The following CDK14 variants were observed in gnomAD, a reference collection of about 807,000 sequenced individuals.
CDK14 encodes the protein cyclin dependent kinase 14.
Under a neutral mutation model 60.7 loss-of-function variants are expected in CDK14, and 34 were observed. That is an observed-to-expected ratio of 0.56 (90% CI 0.43 to 0.75). CDK14 has a LOEUF of 0.75. CDK14 is among the 30% of genes least tolerant of loss of function. The probability of loss-of-function intolerance (pLI) is 0.00; values close to 1 mark genes in which losing one functional copy is unlikely to be tolerated. For missense variants in CDK14, 482 were observed against 564.1 expected (o/e 0.85, Z 1.47); for synonymous variants, 197 against 203.7 (o/e 0.97, Z 0.28).
At chr7:90,701,079 G>C (rs550861596) in intron 2 of CDK14, among the ~76,000 whole-genome samples, 2 of 152,176 alleles carry the variant, frequency 1.3e-5, no homozygotes, top group African/African-American at 4.8e-5. Context: ...AAATCCCCTC[G>C]ATATTACTTG....
At chr7:91,087,341 A>AT (rs963259052) in intron 12 of CDK14, among the ~76,000 whole-genome samples, 2 of 152,206 alleles carry the variant, frequency 1.3e-5, no homozygotes, top group African/African-American at 4.8e-5. Context: ...TAGTATTGAC[A>AT]TAGCAAAGAA....
At chr7:90,763,832 T>C (rs1804429470) in intron 4 of CDK14, among the ~76,000 whole-genome samples, 1 of 152,096 alleles carries the variant, frequency 6.6e-6, no homozygotes. Context: ...AAAGGTTCTG[T>C]TTAGTATAAA....
intron 5 of CDK14, among the ~76,000 whole-genome samples, chr7:90,845,814 C>G (rs958344076): frequency 2.6e-5 from 4 of 152,058 alleles, no homozygotes; most frequent in Non-Finnish European, 4.4e-5. Flanking sequence ...CTTGGTGACA[C>G]TATTATGTCA....
intron 11 of CDK14, among the ~76,000 whole-genome samples, chr7:91,070,039 C>T (rs993294394): frequency 6.6e-6 from 1 of 152,148 alleles, no homozygotes; most frequent in Non-Finnish European, 1.5e-5. Flanking sequence ...CCAAGCAATC[C>T]TCCCACCTCG....
intron 5 of CDK14, among the ~76,000 whole-genome samples, chr7:90,860,774 C>T (rs572970884): frequency 4.6e-5 from 7 of 152,040 alleles, no homozygotes; most frequent in South Asian, 2.1e-4. Flanking sequence ...CCACCCCGCT[C>T]GGCCTCCCAA....
intron 9 of CDK14, among the ~76,000 whole-genome samples, chr7:90,963,004 AT>A (rs1444539473): frequency 6.6e-6 from 1 of 151,776 alleles, no homozygotes; most frequent in East Asian, 1.9e-4. Context: ...AAGCTGCTCT[AT>A]TTGGTTTTAG....
At chr7:90,806,814 G>T (rs1005080608) in intron 5 of CDK14, among the ~76,000 whole-genome samples, 1 of 152,252 alleles carries the variant, frequency 6.6e-6, no homozygotes, top group Non-Finnish European at 1.5e-5. Flanking sequence ...TACACCAGGA[G>T]ATTATATCCC....
chr7:90,711,443 G>C (rs1185837361), intron 2 of CDK14, among the ~76,000 whole-genome samples: 1 of 151,192 alleles, frequency 6.6e-6, no homozygotes, highest in Non-Finnish European at 1.5e-5. Context: ...TTGTGTTTTA[G>C]CTATTCATAT....
At chr7:90,804,063 T>C (rs992709623) in intron 5 of CDK14, among the ~76,000 whole-genome samples, 4 of 152,188 alleles carry the variant, frequency 2.6e-5, no homozygotes, top group Non-Finnish European at 5.9e-5. Context: ...GGCCTTACTA[T>C]TGGGACAGAA....
rs185921647 is a variant in CDK14, at chr7:91,190,687, G to A, written c.*29-16478G>A. On this transcript the variant is annotated intron_variant, in intron 14 of 14. Transcript: ENST00000380050. ...GTATTTTTAGTAGAGACAGGGTTTC[G>A]CCATGCCGGACAGGCTGGTCTCAAA... Among the ~76,000 whole-genome samples the A allele has an allele frequency of 4.1e-4, 63 of 152,084 alleles. 1 individual carries two copies. Among genetic ancestry groups the A allele is most frequent in the African/African-American group, 1.4e-3 (60 of 41,506 alleles).
intron 1 of CDK14, among the ~76,000 whole-genome samples, chr7:90,601,922 TTATGTATGTATGTATG>T (rs66873680): frequency 2.0e-3 from 280 of 143,388 alleles, no homozygotes; most frequent in African/African-American, 5.2e-3. Context: ...TTGGCTAATT[TTATGTATGTATGTATG>T]TATGTATGTA....
At position 90,917,715 on chromosome 7, in the gene CDK14, G is replaced by A. The variant is rs1336650810; in HGVS notation, c.817G>A (p.Ala273Thr). 1 of 1,612,470 alleles carries A rather than the reference G, an allele frequency of 6.2e-7. No individual in the cohort carries two copies. The change falls in exon 8 of 15, where the codon GCA becomes ACA. Residue 273 changes from alanine (A) to threonine (T), a missense_variant. Physicochemically the swap from Ala to Thr is moderately conservative, Grantham distance 58. Coordinates refer to ENST00000380050, the MANE Select transcript of CDK14 (RefSeq NM_001287135.2). ...LISDTGELKLADFGLARAKSV... is the reference protein window; with the variant it reads ...LISDTGELKLTDFGLARAKSV... ...CAGTGACACGGGGGAGTTAAAGCTG[G>A]CAGATTTCGGTAGGAAAGCAGTTAA...
chr7:91,011,132 T>C (rs752540048), intron 10 of CDK14, among the ~76,000 whole-genome samples: 5 of 151,986 alleles, frequency 3.3e-5, no homozygotes, highest in African/African-American at 4.8e-5. Flanking sequence ...GAAAATTTTT[T>C]TTCTTGTCTA....
chr7:91,005,022 G>T (rs1284828026), intron 10 of CDK14, among the ~76,000 whole-genome samples: 2 of 152,198 alleles, frequency 1.3e-5, no homozygotes, highest in Non-Finnish European at 2.9e-5. Context: ...GGAGTGGTGT[G>T]GTCCACTGGG....
intron 2 of CDK14, among the ~76,000 whole-genome samples, chr7:90,699,435 A>G (rs1409072319): frequency 6.6e-6 from 1 of 152,238 alleles, no homozygotes; most frequent in Non-Finnish European, 1.5e-5. Context: ...CAACCCTCTT[A>G]GGTATAGGAA....
At chr7:90,935,961 A>G (rs1221337188) in intron 8 of CDK14, among the ~76,000 whole-genome samples, 1 of 152,024 alleles carries the variant, frequency 6.6e-6, no homozygotes, top group Non-Finnish European at 1.5e-5. Context: ...CAGGAGGATC[A>G]ATAGAGGGAG....
intron 2 of CDK14, among the ~76,000 whole-genome samples, chr7:90,687,072 A>C (rs1228683772): frequency 6.6e-6 from 1 of 152,038 alleles, no homozygotes; most frequent in Non-Finnish European, 1.5e-5. Flanking sequence ...AGCAGCTGTG[A>C]CTTATGCAAC....
At chr7:90,795,813 A>G (rs1788405093) in intron 5 of CDK14, among the ~76,000 whole-genome samples, 1 of 152,168 alleles carries the variant, frequency 6.6e-6, no homozygotes, top group Non-Finnish European at 1.5e-5. Context: ...CACTAGAATT[A>G]ATCAACCTAA....
chr7:91,058,441 A>G (rs1030505621), intron 11 of CDK14, among the ~76,000 whole-genome samples: 17 of 152,194 alleles, frequency 1.1e-4, no homozygotes, highest in African/African-American at 4.1e-4. Context: ...TTCCAACACT[A>G]TGTTGAATAG....
Sources: gnomAD v4.1 joint callset for allele counts (sites outside exome capture counted in the v4.1 genomes callset) on GRCh38, gnomAD v4.1.1 for gene constraint, MANE v1.5 for transcripts, NCBI Gene and HGNC (gene_info 2026-07-23, HGNC 2026-07-21) for gene names.